Variants in LOC128031833 observed in about 807,000 individuals in gnomAD.
At chrX:63,754,650 T>C in the LOC128031833 span, 1 of 1,006,750 alleles carries the variant, frequency 9.9e-7, no homozygotes, top group Non-Finnish European at 1.3e-6. Context: ...GTCTCTGTTC[T>C]GTCAGACTGT....
chrX:63,754,517 C>T, the LOC128031833 span: 1 of 1,094,547 alleles, frequency 9.1e-7, no homozygotes, highest in Non-Finnish European at 1.2e-6. Flanking sequence ...ATGAGTATGA[C>T]ATTGACAAGC....
chrX:63,754,657 C>G, the LOC128031833 span: 1 of 994,445 alleles, frequency 1.0e-6, no homozygotes, highest in Non-Finnish European at 1.3e-6. Flanking sequence ...TTCTGTCAGA[C>G]TGTCCATACA....
chrX:63,754,491 C>A, the LOC128031833 span: 2 of 1,101,834 alleles, frequency 1.8e-6, no homozygotes, highest in Admixed American at 3.6e-5. Context: ...CCATTCAGCG[C>A]GTTCCCAGGA....
chrX:63,754,530 G>A, the LOC128031833 span: 5 of 1,093,051 alleles, frequency 4.6e-6, no homozygotes, highest in Non-Finnish European at 5.9e-6. Flanking sequence ...TGACAAGCAG[G>A]AGGACTACAA....
the LOC128031833 span, chrX:63,754,492 G>A: frequency 9.1e-7 from 1 of 1,103,919 alleles, no homozygotes. Context: ...CATTCAGCGC[G>A]TTCCCAGGAA....
At chrX:63,754,656 A>G in the LOC128031833 span, 5 of 995,580 alleles carry the variant, frequency 5.0e-6, no homozygotes, top group Non-Finnish European at 6.3e-6. Flanking sequence ...GTTCTGTCAG[A>G]CTGTCCATAC....
At chrX:63,754,590 C>T in the LOC128031833 span, 1 of 1,071,676 alleles carries the variant, frequency 9.3e-7, no homozygotes, top group Non-Finnish European at 1.2e-6. Flanking sequence ...TGGTGCAATG[C>T]AGAACACTGT....
At chrX:63,754,601 A>G in the LOC128031833 span, 1 of 1,044,042 alleles carries the variant, frequency 9.6e-7, no homozygotes. Flanking sequence ...AGAACACTGT[A>G]GTGTTCCAGG....
the LOC128031833 span, chrX:63,754,545 G>A: frequency 1.8e-6 from 2 of 1,089,745 alleles, no homozygotes; most frequent in Non-Finnish European, 2.4e-6. Context: ...CTACAATCAC[G>A]GCAAAAACGA....
the LOC128031833 span, chrX:63,754,500 G>A: frequency 5.5e-6 from 6 of 1,096,277 alleles, no homozygotes; most frequent in East Asian, 2.0e-4. Context: ...GCGTTCCCAG[G>A]AAAAACATGA....
chrX:63,754,623 C>T, the LOC128031833 span: 36 of 1,020,994 alleles, frequency 3.5e-5, no homozygotes, highest in East Asian at 5.6e-4. Context: ...GGGGGGCCGG[C>T]AGATTGGGAG....
At chrX:63,754,614 G>C in the LOC128031833 span, 1 of 1,023,257 alleles carries the variant, frequency 9.8e-7, no homozygotes, top group South Asian at 3.5e-5. Flanking sequence ...GTTCCAGGTG[G>C]GGGGCCGGCA....
chrX:63,754,646 G>T, the LOC128031833 span: 1 of 1,008,934 alleles, frequency 9.9e-7, no homozygotes, highest in Non-Finnish European at 1.3e-6. Context: ...GTCAGTCTCT[G>T]TTCTGTCAGA....
chrX:63,754,574 G>A, the LOC128031833 span: 2 of 1,086,981 alleles, frequency 1.8e-6, no homozygotes, highest in South Asian at 2.4e-5. Context: ...TGCACATCCA[G>A]GGTCATGGTG....
Sources: gnomAD v4.1 joint callset for allele counts on GRCh38, gnomAD v4.1.1 for gene constraint, MANE v1.5 for transcripts.